The following COL12A1 variants were observed in gnomAD, a reference collection of about 807,000 sequenced individuals.
COL12A1 encodes collagen alpha-1(XII) chain.
Under a neutral mutation model 349.7 loss-of-function variants are expected in COL12A1, and 114 were observed. The observed-to-expected ratio is 0.33, with a 90% confidence interval of 0.28 to 0.38. COL12A1 has a LOEUF of 0.38. COL12A1 is among the 10% of genes least tolerant of loss of function. COL12A1 has a pLI of 1.00. For missense variants in COL12A1, 3,284 were observed against 3,756.9 expected (o/e 0.87, Z 3.29); for synonymous variants, 1,369 against 1,329.0 (o/e 1.03, Z -0.66).
intron 37 of COL12A1, among the ~76,000 whole-genome samples, chr6:75,129,638 A>G (rs1766202719): frequency 6.6e-6 from 1 of 152,242 alleles, no homozygotes; most frequent in African/African-American, 2.4e-5. Context: ...GCAAAATGTT[A>G]AGTTTAAAGA....
intron 60 of COL12A1, among the ~76,000 whole-genome samples, chr6:75,093,871 A>G (rs1369403201): frequency 6.6e-6 from 1 of 152,208 alleles, no homozygotes; most frequent in Non-Finnish European, 1.5e-5. Flanking sequence ...ACAGCCATCA[A>G]TTATATGAGT....
intron 11 of COL12A1, 146 bp from the exon 12 acceptor site, chr6:75,178,081 G>A (rs772265925): frequency 3.0e-5 from 22 of 734,006 alleles, no homozygotes; most frequent in Non-Finnish European, 4.7e-5. Context: ...CCTGGTTTCT[G>A]TACTCATTTA....
rs867022114 is a variant in COL12A1 at position 75,134,715 on chromosome 6, G to T, written c.5524+11C>A. The T allele has an allele frequency of 1.3e-6, 2 of 1,590,422 alleles. No homozygotes were observed. Among genetic ancestry groups the T allele is most frequent in the South Asian group, 2.3e-5 (2 of 86,704 alleles). ...TATTAAAGAAGCTATAGGAACTCAGGTTTCACTTACTGGTCTTGCCTCTTC... is the reference window on the plus strand; with the variant it reads ...TATTAAAGAAGCTATAGGAACTCAGTTTTCACTTACTGGTCTTGCCTCTTC... On this transcript the variant is annotated intron_variant, in intron 32 of 65. Transcript: ENST00000322507.
chr6:75,111,155 C>T (rs1030754631), intron 51 of COL12A1, among the ~76,000 whole-genome samples: 1 of 151,428 alleles, frequency 6.6e-6, no homozygotes, highest in Non-Finnish European at 1.5e-5. Flanking sequence ...TATATGACAT[C>T]TCAATAAAGC....
chr6:75,106,466 T>G lies in COL12A1; in HGVS notation c.8131A>C (p.Ser2711Arg). ...CTGTCTCTACTGGTCCACACTGGAC[T>G]GCAGACAATGTCAAAACTCTGGATT... ...FQIQSFDIVC[S>R]PVWTSRDRCC... Residue 2711 changes from serine to arginine, a missense_variant, in exon 53 of 66, where the codon AGT becomes CGT. Ser to Arg is a moderately radical substitution (Grantham distance 110). Transcript: ENST00000322507. 1 of 1,613,994 alleles carries G rather than the reference T, an allele frequency of 6.2e-7. No individual in the cohort carries two copies.
intron 25 of COL12A1, 112 bp downstream of exon 25, chr6:75,145,214 T>C: frequency 9.2e-7 from 1 of 1,087,172 alleles, no homozygotes; most frequent in South Asian, 3.5e-5. Context: ...AAGTAATAAC[T>C]GTGACTTTGT....
chr6:75,125,582 G>T (rs960423020), intron 39 of COL12A1, among the ~76,000 whole-genome samples: 1 of 152,038 alleles, frequency 6.6e-6, no homozygotes, highest in African/African-American at 2.4e-5. Flanking sequence ...CCAACATAGT[G>T]TTTTGCATAT....
At chr6:75,139,841 T>C (rs1225107163) in intron 27 of COL12A1, among the ~76,000 whole-genome samples, 1 of 152,200 alleles carries the variant, frequency 6.6e-6, no homozygotes, top group Non-Finnish European at 1.5e-5. Context: ...TCTGGCTGTT[T>C]TGCAGCACAA....
At chr6:75,177,975 T>A (rs751730310) in intron 11 of COL12A1, 40 bp from the exon 12 acceptor site, 7 of 1,539,692 alleles carry the variant, frequency 4.5e-6, no homozygotes, top group Non-Finnish European at 5.2e-6. Context: ...AACCATAAAT[T>A]GACTGACTTT....
chr6:75,205,247 A>T (rs922074610), intron 1 of COL12A1, among the ~76,000 whole-genome samples: 9 of 149,730 alleles, frequency 6.0e-5, no homozygotes, highest in Admixed American at 1.3e-4. Flanking sequence ...GTAGGGGAGG[A>T]AGGAGCCAGA....
Position 75,189,340 on chromosome 6 carries a change from A to C in COL12A1, c.700T>G (p.Ser234Ala), listed in dbSNP as rs749546005. Residue 234 changes from serine (S) to alanine (A), a missense_variant, in exon 7 of 66, where the codon TCT becomes GCT. Physicochemically the swap from Ser to Ala is moderately conservative, Grantham distance 99 (BLOSUM62 1). This residue lies in a region of COL12A1 where 2,601 missense variants were observed against 2,824.8 expected (regional missense o/e 0.92). Transcript: ENST00000322507. The part of the protein sequence containing the change: ...DYLVKNTFTE[S>A]AGARVGFPKV... The stretch of plus-strand genomic sequence containing the variant: ...GGAAAGCCAACTCTTGCCCCAGCAG[A>C]TTCCGTGAAAGTATTTTTAACTAAA... The C allele has an allele frequency of 6.2e-7, 1 of 1,612,988 alleles. No individual in the cohort carries two copies. The highest frequency in any genetic ancestry group is 8.5e-7 in the Non-Finnish European group (1 of 1,179,422).
At chr6:75,198,058 G>C (rs1005468628) in intron 2 of COL12A1, among the ~76,000 whole-genome samples, 2 of 152,116 alleles carry the variant, frequency 1.3e-5, no homozygotes, top group African/African-American at 4.8e-5. Flanking sequence ...AATTCAGAGA[G>C]ATTAACACAG....
At chr6:75,146,672 A>C (rs1431996108) in intron 23 of COL12A1, among the ~76,000 whole-genome samples, 1 of 152,196 alleles carries the variant, frequency 6.6e-6, no homozygotes, top group African/African-American at 2.4e-5. Context: ...AACACTATAC[A>C]TTAATAACTG....
chr6:75,114,455 G>A (rs1252908493), intron 49 of COL12A1, among the ~76,000 whole-genome samples: 1 of 152,040 alleles, frequency 6.6e-6, no homozygotes, highest in African/African-American at 2.4e-5. Flanking sequence ...TTGGTCCCAT[G>A]TGTCCCTCCA....
In COL12A1 at chr6:75,145,359, T is replaced by C; in HGVS notation, c.4657A>G (p.Thr1553Ala). The C allele has an allele frequency of 6.2e-7, 1 of 1,613,320 alleles. No homozygotes were observed. The highest frequency in any genetic ancestry group is 1.1e-5 in the South Asian group (1 of 90,932). Residue 1553 changes from threonine to alanine, a missense_variant, in exon 25 of 66, where the codon ACT becomes GCT. This residue lies in a region of COL12A1 where 2,601 missense variants were observed against 2,824.8 expected (regional missense o/e 0.92). Transcript: ENST00000322507. ...VTVQAVLHDL[T>A]SEPVTVREVT... ...TCCCGAACAGTGACAGGTTCACTAG[T>C]GAGGTCGTGCAGGACAGCCTGGACT...
In COL12A1 at chr6:75,115,763, ACCT is replaced by A. The variant is rs1209114574; in HGVS notation, c.7697+18_7697+20del. 2 of 1,570,332 alleles carry A rather than the reference ACCT, an allele frequency of 1.3e-6. No homozygotes were observed. The highest frequency in any genetic ancestry group is 4.0e-5 in the Admixed American group (2 of 49,848). On this transcript the variant is annotated intron_variant, in intron 49 of 65. Transcript: ENST00000322507. ...TTTTGCAGGTCTTAAGAAAAGGAAA[ACCT>A]CCTGTTGTCACACTTACGCTGTAGG...
chr6:75,115,807 A>G lies in COL12A1; in HGVS notation c.7674T>C (p.Asn2558=), dbSNP rs367759853. Reference sequence around the variant, plus strand: ...ACGCTGTAGGCTGATTCACAAACGCATTCTTCTGAATCCTGTATGCTGAGT... The same window carrying G: ...ACGCTGTAGGCTGATTCACAAACGCGTTCTTCTGAATCCTGTATGCTGAGT... ...PSYSAYRIQK[N]AFVNQPTADL... The change falls in exon 49 of 66, where the codon AAT becomes AAC. Residue 2558 remains asparagine (N), a synonymous_variant. Coordinates refer to ENST00000322507, the MANE Select transcript of COL12A1 (RefSeq NM_004370.6). 3 of 1,612,190 alleles carry G rather than the reference A, an allele frequency of 1.9e-6. No individual in the cohort carries two copies. In the African/African-American group the frequency reaches 4.0e-5, roughly 22 times the overall value.
chr6:75,175,804 A>G (rs1423633240), intron 12 of COL12A1, among the ~76,000 whole-genome samples: 1 of 152,248 alleles, frequency 6.6e-6, no homozygotes, highest in Admixed American at 6.5e-5. Context: ...CTAGGGGGAA[A>G]AAAAGTAAGA....
At chr6:75,202,641 A>G in intron 2 of COL12A1, 79 bp downstream of exon 2, 1 of 1,374,820 alleles carries the variant, frequency 7.3e-7, no homozygotes, top group South Asian at 1.3e-5. Context: ...CAGAGCAAGC[A>G]ATAGAAGCAA....
Sources: allele counts gnomAD v4.1 joint callset (sites outside exome capture counted in the v4.1 genomes callset), GRCh38; gene constraint gnomAD v4.1.1; regional missense constraint gnomAD v4.1.1; transcripts MANE v1.5; gene names NCBI Gene and HGNC (gene_info 2026-07-23, HGNC 2026-07-21).